CAB39: variants seen among roughly 807,000 people sequenced by gnomAD.
CAB39 encodes calcium-binding protein 39.
CAB39 carries 8 observed loss-of-function variants against 40.0 expected under a neutral mutation model. The ratio of observed to expected loss-of-function variants is 0.20; its 90% CI spans 0.12 to 0.36. CAB39 has a LOEUF of 0.36. Ranked by LOEUF, CAB39 falls within the 10% of genes least tolerant of loss-of-function variation. CAB39 has a pLI of 1.00. For missense variants in CAB39, 270 were observed against 401.1 expected, an observed-to-expected ratio of 0.67 and a Z score of 2.79; for synonymous variants, 156 against 141.6, an observed-to-expected ratio of 1.10 and a Z score of -0.72.
chr2:230,778,353 T>G (rs1426320453), intron 2 of CAB39, among the ~76,000 whole-genome samples: 1 of 152,212 alleles, frequency 6.6e-6, no homozygotes, highest in African/African-American at 2.4e-5. Flanking sequence ...GTAAGGGCTG[T>G]GAGTACTTCA....
chr2:230,803,285 C>A (rs1336824832), intron 5 of CAB39, among the ~76,000 whole-genome samples: 1 of 152,094 alleles, frequency 6.6e-6, no homozygotes, highest in Non-Finnish European at 1.5e-5. Flanking sequence ...TATGACAAAC[C>A]CACAGCCAAT....
At chr2:230,809,047 G>A (rs1575962445) in intron 5 of CAB39, among the ~76,000 whole-genome samples, 1 of 152,274 alleles carries the variant, frequency 6.6e-6, no homozygotes, top group East Asian at 1.9e-4. Context: ...TATGTCCAGT[G>A]CTTTTGTGCT....
intron 2 of CAB39, among the ~76,000 whole-genome samples, chr2:230,767,338 T>A (rs1046571699): frequency 1.3e-5 from 2 of 152,190 alleles, no homozygotes; most frequent in Non-Finnish European, 2.9e-5. Context: ...AAAAAAAAAG[T>A]CCAGAATCTA....
intron 2 of CAB39, among the ~76,000 whole-genome samples, chr2:230,767,105 T>A (rs1351474374): frequency 6.6e-6 from 1 of 152,220 alleles, no homozygotes; most frequent in Non-Finnish European, 1.5e-5. Flanking sequence ...CAAATCATGC[T>A]TAAAGCAATT....
chr2:230,731,783 C>T (rs1200099473), intron 1 of CAB39, among the ~76,000 whole-genome samples: 2 of 151,872 alleles, frequency 1.3e-5, no homozygotes, highest in Non-Finnish European at 2.9e-5. Flanking sequence ...ATGTGAGCCA[C>T]CATGCCCAGC....
At chr2:230,748,831 A>ATATATATATAT (rs1553669220) in intron 1 of CAB39, among the ~76,000 whole-genome samples, 19 of 28,492 alleles carry the variant, frequency 6.7e-4, no homozygotes, top group East Asian at 4.4e-3. Context: ...AAAAAAAAAA[A>ATATATATATAT]ATATATATAT....
chr2:230,752,585 C>G (rs1321337311), intron 1 of CAB39, among the ~76,000 whole-genome samples: 1 of 152,194 alleles, frequency 6.6e-6, no homozygotes, highest in Non-Finnish European at 1.5e-5. Context: ...GACCTAAAAA[C>G]CTCCCATTAG....
At chr2:230,758,156 G>T (rs1695225890) in intron 1 of CAB39, among the ~76,000 whole-genome samples, 1 of 151,978 alleles carries the variant, frequency 6.6e-6, no homozygotes, top group Admixed American at 6.6e-5. Flanking sequence ...AAATTAGCTG[G>T]GTTGGTGGTG....
intron 1 of CAB39, chr2:230,713,795 A>T (rs1157973855): frequency 1.3e-5 from 2 of 152,328 alleles, no homozygotes; most frequent in African/African-American, 4.8e-5. Context: ...CACCGGAGGG[A>T]TTCAAAGGTG....
intron 2 of CAB39, among the ~76,000 whole-genome samples, chr2:230,763,613 A>G (rs1043836394): frequency 1.3e-5 from 2 of 151,894 alleles, no homozygotes; most frequent in Non-Finnish European, 2.9e-5. Flanking sequence ...CAAAGACGAG[A>G]AAAAGAAAAC....
chr2:230,785,823 T>C (rs934619585), intron 2 of CAB39, among the ~76,000 whole-genome samples: 1 of 151,598 alleles, frequency 6.6e-6, no homozygotes, highest in African/African-American at 2.4e-5. Context: ...GCTGAGACTA[T>C]AGGTGCATGC....
chr2:230,760,441 C>T (rs1695269154), intron 2 of CAB39, among the ~76,000 whole-genome samples: 2 of 152,130 alleles, frequency 1.3e-5, no homozygotes, highest in Non-Finnish European at 2.9e-5. Flanking sequence ...TAGTCTCAAA[C>T]GCCAAGCCTC....
intron 2 of CAB39, among the ~76,000 whole-genome samples, chr2:230,787,641 C>A (rs182696672): frequency 1.3e-5 from 2 of 152,268 alleles, no homozygotes; most frequent in East Asian, 3.9e-4. Flanking sequence ...TGCAAAAATT[C>A]TTAGAAGGTA....
intron 2 of CAB39, among the ~76,000 whole-genome samples, chr2:230,784,986 C>A (rs1695763842): frequency 6.6e-6 from 1 of 152,078 alleles, no homozygotes; most frequent in Non-Finnish European, 1.5e-5. Flanking sequence ...GGGAACAGAA[C>A]AAAGAAAAGG....
intron 1 of CAB39, among the ~76,000 whole-genome samples, chr2:230,753,473 G>A (rs1695124882): frequency 6.6e-6 from 1 of 151,842 alleles, no homozygotes. Flanking sequence ...ACCATTTTTT[G>A]GCCAGACGTG....
chr2:230,746,443 A>G (rs1478944375), intron 1 of CAB39, among the ~76,000 whole-genome samples: 5 of 152,224 alleles, frequency 3.3e-5, no homozygotes, highest in Non-Finnish European at 5.9e-5. Flanking sequence ...GCATAACAGG[A>G]TGGCTCTATA....
rs184283645 is a variant in CAB39 at position 230,776,003 on chromosome 2, G to A, written c.115-14869G>A. Among the ~76,000 whole-genome samples the A allele has an allele frequency of 2.7e-4, 41 of 152,304 alleles. No homozygotes were observed. In the East Asian group the frequency reaches 6.2e-3, roughly 23 times the overall value. On this transcript the variant is annotated intron_variant, in intron 2 of 8. Transcript: ENST00000258418. ...ACAGAGATGACAGGTTTGAAGTGACGTTTAAGCTGATTTTTAAGGTTTTTG... is the reference window on the plus strand; with the variant it reads ...ACAGAGATGACAGGTTTGAAGTGACATTTAAGCTGATTTTTAAGGTTTTTG...
chr2:230,759,695 T>C (rs1695256010), intron 1 of CAB39, among the ~76,000 whole-genome samples: 1 of 152,192 alleles, frequency 6.6e-6, no homozygotes, highest in South Asian at 2.1e-4. Context: ...AGCATGTTCG[T>C]CCCCATTTGC....
At chr2:230,721,399 C>T (rs1238805053) in intron 1 of CAB39, among the ~76,000 whole-genome samples, 1 of 152,120 alleles carries the variant, frequency 6.6e-6, no homozygotes, top group Non-Finnish European at 1.5e-5. Context: ...CCACTGCGCT[C>T]CAGCCTGGGC....
Sources: allele counts gnomAD v4.1 joint callset (sites outside exome capture counted in the v4.1 genomes callset), GRCh38; gene constraint gnomAD v4.1.1; transcripts MANE v1.5; gene names NCBI Gene and HGNC (gene_info 2026-07-23, HGNC 2026-07-21).